The following HTR7 variants were observed in gnomAD, a reference collection of about 807,000 sequenced individuals.
HTR7 encodes 5-HT-7.
Under a neutral mutation model 34.0 loss-of-function variants are expected in HTR7, and 16 were observed. That is an observed-to-expected ratio of 0.47 (90% CI 0.32 to 0.71). The LOEUF (loss-of-function observed/expected upper bound fraction) is 0.71, where lower values mean the gene tolerates loss of function less well. Ranked by LOEUF, HTR7 falls within the 30% of genes least tolerant of loss-of-function variation. The pLI is 0.04. For missense variants in HTR7, 504 were observed against 625.5 expected (o/e 0.81, Z 2.07); for synonymous variants, 265 against 260.2 (o/e 1.02, Z -0.18).
intron 1 of HTR7, among the ~76,000 whole-genome samples, chr10:90,753,887 A>G (rs1589436302): frequency 6.6e-6 from 1 of 152,204 alleles, no homozygotes; most frequent in East Asian, 1.9e-4. Flanking sequence ...TATATTATTA[A>G]CCTTTCTATA....
chr10:90,826,348 G>A (rs11498506), intron 1 of HTR7, among the ~76,000 whole-genome samples: 24,521 of 152,020 alleles, frequency 0.16, 1,975 homozygotes, highest in African/African-American at 0.17. Flanking sequence ...ACAAGTAAAC[G>A]GAATTTTTTC....
chr10:90,795,368 C>T (rs1016816449), intron 1 of HTR7, among the ~76,000 whole-genome samples: 10 of 152,050 alleles, frequency 6.6e-5, no homozygotes, highest in Admixed American at 2.0e-4. Context: ...TTTATACGTA[C>T]GGAAAAAAAT....
chr10:90,760,802 A>G (rs1589439181), intron 1 of HTR7, among the ~76,000 whole-genome samples: 2 of 151,822 alleles, frequency 1.3e-5, no homozygotes, highest in East Asian at 3.9e-4. Context: ...AATTGCTTGA[A>G]CCCGGGAAGT....
Position 90,857,486 on chromosome 10 carries a change from C to A in HTR7, c.186G>T (p.Ala62=), listed in dbSNP as rs201515949. 331 of 1,613,396 alleles carry A rather than the reference C, an allele frequency of 2.1e-4. 2 individuals carry two copies. The East Asian group carries it at 6.6e-3, about 32-fold the overall frequency. ...VTASPAPTWD[A]PPDNASGCGE... is the part of the protein sequence containing the mutation. ...CACAGCCGGAGGCATTGTCCGGGGG[C>A]GCGTCCCAGGTGGGCGCCGGGCTGG... Residue 62 remains alanine (A), a synonymous_variant, in exon 1 of 4, where the codon GCG becomes GCT. Transcript: ENST00000336152. The surrounding 1 kb of genome is among the most constrained non-coding windows in gnomAD (Gnocchi z 6.5).
intron 1 of HTR7, among the ~76,000 whole-genome samples, chr10:90,785,313 G>A (rs939404287): frequency 1.3e-4 from 19 of 151,962 alleles, no homozygotes; most frequent in Non-Finnish European, 5.9e-5. Flanking sequence ...AACATCAGAG[G>A]CAGCTAGAAA....
chr10:90,801,733 A>C (rs1263838383), intron 1 of HTR7, among the ~76,000 whole-genome samples: 2 of 152,218 alleles, frequency 1.3e-5, no homozygotes, highest in Admixed American at 6.5e-5. Flanking sequence ...AGAACTCAGG[A>C]AACTTACAAG....
Position 90,813,835 on chromosome 10 carries a change from A to C in HTR7, c.539+43298T>G, listed in dbSNP as rs184570184. Among the ~76,000 whole-genome samples the C allele has an allele frequency of 6.4e-4, 98 of 152,328 alleles. 1 individual carries two copies. Among genetic ancestry groups the C allele is most frequent in the African/African-American group, 2.2e-3 (90 of 41,584 alleles). On this transcript the variant is annotated intron_variant, in intron 1 of 3. Coordinates refer to ENST00000336152, the MANE Select transcript of HTR7 (RefSeq NM_019859.4). ...GGCCAGGCAAAGACTCCATTTGCCT[A>C]ATAAGATTAGGGTGGGACGACCAGC...
intron 1 of HTR7, among the ~76,000 whole-genome samples, chr10:90,801,188 G>A (rs182959025): frequency 7.2e-4 from 110 of 152,252 alleles, no homozygotes; most frequent in African/African-American, 2.6e-3. Flanking sequence ...CTGGTTTGGG[G>A]TTTTATTTTG....
chr10:90,757,920 A>G (rs1844860918), intron 1 of HTR7, among the ~76,000 whole-genome samples: 1 of 152,196 alleles, frequency 6.6e-6, no homozygotes, highest in Non-Finnish European at 1.5e-5. Context: ...TGATCACTGA[A>G]GTAGAGGCTC....
At chr10:90,759,661 CAAAAAAAAAA>C (rs60718814) in intron 1 of HTR7, among the ~76,000 whole-genome samples, 1 of 69,384 alleles carries the variant, frequency 1.4e-5, no homozygotes, top group African/African-American at 4.9e-5. Context: ...GACTCTGTCT[CAAAAAAAAAA>C]AAAAAAAAAA....
intron 1 of HTR7, among the ~76,000 whole-genome samples, chr10:90,843,849 T>C: frequency 6.6e-6 from 1 of 152,168 alleles, no homozygotes; most frequent in East Asian, 1.9e-4. Context: ...CAGCTAAGAA[T>C]GGTCTTTGTA....
chr10:90,774,867 G>C (rs957130732), intron 1 of HTR7, among the ~76,000 whole-genome samples: 3 of 152,120 alleles, frequency 2.0e-5, no homozygotes, highest in African/African-American at 4.8e-5. Flanking sequence ...CACTCATAGC[G>C]CAGTGGTAAG....
At chr10:90,761,663 T>G (rs951295775) in intron 1 of HTR7, among the ~76,000 whole-genome samples, 7 of 145,630 alleles carry the variant, frequency 4.8e-5, no homozygotes, top group South Asian at 2.2e-4. Flanking sequence ...TGTGTGTGTG[T>G]GGTGAGGTTT....
At chr10:90,760,140 A>G (rs529252744) in intron 1 of HTR7, among the ~76,000 whole-genome samples, 2 of 152,368 alleles carry the variant, frequency 1.3e-5, no homozygotes, top group East Asian at 3.9e-4. Flanking sequence ...ATGGAGACAG[A>G]AAGTGTGGTG....
intron 1 of HTR7, among the ~76,000 whole-genome samples, chr10:90,793,511 T>TA (rs1180224023): frequency 7.0e-5 from 9 of 128,818 alleles, no homozygotes; most frequent in Non-Finnish European, 1.5e-4. Flanking sequence ...ATATTATTTT[T>TA]AAAAAAACAA....
chr10:90,827,055 A>G (rs955340915), intron 1 of HTR7, among the ~76,000 whole-genome samples: 2 of 152,064 alleles, frequency 1.3e-5, no homozygotes, highest in Non-Finnish European at 1.5e-5. Context: ...CATACCACAA[A>G]TATGCAAAAA....
chr10:90,794,879 C>T (rs1401745270), intron 1 of HTR7, among the ~76,000 whole-genome samples: 1 of 152,184 alleles, frequency 6.6e-6, no homozygotes, highest in Non-Finnish European at 1.5e-5. Context: ...ACCACAAACA[C>T]GTGAGTAAGG....
At chr10:90,794,070 C>G (rs1370262395) in intron 1 of HTR7, among the ~76,000 whole-genome samples, 1 of 152,158 alleles carries the variant, frequency 6.6e-6, no homozygotes, top group Non-Finnish European at 1.5e-5. Context: ...CACAGATACA[C>G]CCAGGAAAAA....
intron 1 of HTR7, among the ~76,000 whole-genome samples, chr10:90,832,376 G>C (rs943867900): frequency 9.2e-5 from 14 of 152,222 alleles, no homozygotes; most frequent in Non-Finnish European, 1.6e-4. Context: ...AGGTGGGCCA[G>C]CACTGCTGGG....
Sources: allele counts gnomAD v4.1 joint callset (sites outside exome capture counted in the v4.1 genomes callset), GRCh38; gene constraint gnomAD v4.1.1; non-coding constraint Gnocchi (gnomAD v3.1); transcripts MANE v1.5; gene names NCBI Gene and HGNC (gene_info 2026-07-23, HGNC 2026-07-21).